GUCY1A2: variants seen among roughly 807,000 people sequenced by gnomAD.
GUCY1A2 encodes guanylate cyclase soluble subunit alpha-2.
A neutral mutation model predicts 63.5 loss-of-function variants in GUCY1A2; 27 were observed. That is an observed-to-expected ratio of 0.43 (90% CI 0.31 to 0.59). The LOEUF (loss-of-function observed/expected upper bound fraction) is 0.59. Among genes scored for constraint, GUCY1A2 ranks in the 20% least tolerant of loss-of-function variants. GUCY1A2 has a pLI of 0.11. For synonymous variants in GUCY1A2, 364 were observed against 343.5 expected, an observed-to-expected ratio of 1.06 and a Z score of -0.66; for missense variants, 768 against 913.3, an observed-to-expected ratio of 0.84 and a Z score of 2.05.
intron 4 of GUCY1A2, among the ~76,000 whole-genome samples, chr11:106,851,498 AT>A (rs1344161901): frequency 3.3e-5 from 5 of 151,770 alleles, no homozygotes; most frequent in Non-Finnish European, 7.4e-5. Context: ...ACATTTAAGC[AT>A]TTACTCCATC....
intron 6 of GUCY1A2, among the ~76,000 whole-genome samples, chr11:106,754,555 T>C (rs1022093609): frequency 3.9e-5 from 6 of 152,250 alleles, no homozygotes; most frequent in Non-Finnish European, 5.9e-5. Context: ...ATTGTGAGTT[T>C]TTAGCATGAA....
chr11:106,694,755 C>T (rs977925860), intron 7 of GUCY1A2, among the ~76,000 whole-genome samples: 9 of 152,140 alleles, frequency 5.9e-5, no homozygotes, highest in African/African-American at 9.7e-5. Context: ...TATTACAGTT[C>T]CCGTGGTGAG....
At chr11:106,733,062 G>A (rs1863530675) in intron 6 of GUCY1A2, among the ~76,000 whole-genome samples, 1 of 152,082 alleles carries the variant, frequency 6.6e-6, no homozygotes, top group African/African-American at 2.4e-5. Context: ...ACACTATAAT[G>A]GTTTCAAAAA....
chr11:106,997,718 T>C (rs968007547), intron 1 of GUCY1A2, among the ~76,000 whole-genome samples: 3 of 146,682 alleles, frequency 2.0e-5, no homozygotes, highest in Non-Finnish European at 3.0e-5. Context: ...GGGTTTGCAA[T>C]AGGAGAACCG....
intron 1 of GUCY1A2, among the ~76,000 whole-genome samples, chr11:107,009,076 C>T (rs1861709603): frequency 1.3e-5 from 2 of 152,196 alleles, no homozygotes. Flanking sequence ...TCTGCAAATA[C>T]AAATTCTTCA....
At chr11:106,824,026 G>A in intron 4 of GUCY1A2, 1 of 1,350,230 alleles carries the variant, frequency 7.4e-7, no homozygotes, top group Non-Finnish European at 1.0e-6. Flanking sequence ...TCCTTCAAAA[G>A]CTTTCTTATT....
At chr11:106,751,912 A>C (rs1458641569) in intron 6 of GUCY1A2, among the ~76,000 whole-genome samples, 1 of 152,210 alleles carries the variant, frequency 6.6e-6, no homozygotes, top group Non-Finnish European at 1.5e-5. Context: ...TTCTACATTG[A>C]TAAATCTGTT....
At chr11:106,838,456 G>T (rs1859146600) in intron 4 of GUCY1A2, among the ~76,000 whole-genome samples, 1 of 151,846 alleles carries the variant, frequency 6.6e-6, no homozygotes, top group African/African-American at 2.4e-5. Context: ...TCAAATATTT[G>T]CAAATTTATA....
intron 5 of GUCY1A2, among the ~76,000 whole-genome samples, chr11:106,798,867 C>T (rs569216910): frequency 9.2e-5 from 14 of 152,178 alleles, no homozygotes; most frequent in African/African-American, 3.4e-4. Context: ...GACAGGGATG[C>T]CCTCTCTCAC....
intron 6 of GUCY1A2, among the ~76,000 whole-genome samples, chr11:106,709,351 T>A (rs1374453748): frequency 3.0e-5 from 3 of 101,376 alleles, no homozygotes; most frequent in Non-Finnish European, 5.3e-5. Flanking sequence ...TAAATTTATA[T>A]ATTTTATATA....
At chr11:106,690,020 A>G (rs1363029733) in intron 7 of GUCY1A2, among the ~76,000 whole-genome samples, 1 of 151,920 alleles carries the variant, frequency 6.6e-6, no homozygotes, top group Non-Finnish European at 1.5e-5. Context: ...TAAAAAAATA[A>G]CAGATGCTGG....
At chr11:106,906,649 C>A (rs552612514) in intron 4 of GUCY1A2, among the ~76,000 whole-genome samples, 2 of 152,074 alleles carry the variant, frequency 1.3e-5, no homozygotes, top group South Asian at 4.1e-4. Flanking sequence ...ATGTTTATTG[C>A]GGCACTATTC....
chr11:106,887,110 T>C (rs1379506769), intron 4 of GUCY1A2, among the ~76,000 whole-genome samples: 1 of 152,066 alleles, frequency 6.6e-6, no homozygotes, highest in Non-Finnish European at 1.5e-5. Flanking sequence ...TCCACATGCA[T>C]CTGCTTGTTG....
intron 4 of GUCY1A2, among the ~76,000 whole-genome samples, chr11:106,830,804 A>G (rs996005641): frequency 6.6e-6 from 1 of 152,186 alleles, no homozygotes; most frequent in African/African-American, 2.4e-5. Context: ...GACTAGTACA[A>G]TGAAGTTTAA....
At chr11:106,983,015 C>A (rs1309419601) in intron 2 of GUCY1A2, among the ~76,000 whole-genome samples, 1 of 152,192 alleles carries the variant, frequency 6.6e-6, no homozygotes, top group Admixed American at 6.5e-5. Flanking sequence ...CCTCTGGGAG[C>A]AGGGCCCAGT....
intron 7 of GUCY1A2, among the ~76,000 whole-genome samples, chr11:106,705,888 C>A (rs748357087): frequency 6.6e-6 from 1 of 151,694 alleles, no homozygotes; most frequent in Non-Finnish European, 1.5e-5. Flanking sequence ...AAAACACGGG[C>A]CTTTGAAACA....
rs113299393 is a variant in GUCY1A2, at chr11:106,823,663, G to C, written c.1207-13185C>G. Among the ~76,000 whole-genome samples, 9 of 152,158 alleles carry C rather than the reference G, an allele frequency of 5.9e-5. 1 individual carries two copies. Among genetic ancestry groups the C allele is most frequent in the African/African-American group, 1.2e-4 (5 of 41,536 alleles). ...AGCTATTTCCATACCGTCTTCCATA[G>C]AGGCTGAACTAATTTACATTCCCAC... is the stretch of plus-strand genomic sequence containing the variant. On this transcript the variant is annotated intron_variant, in intron 4 of 7. Coordinates refer to ENST00000526355, the MANE Select transcript of GUCY1A2 (RefSeq NM_000855.3).
chr11:106,863,258 T>C (rs887231045), intron 4 of GUCY1A2, among the ~76,000 whole-genome samples: 3 of 152,152 alleles, frequency 2.0e-5, no homozygotes, highest in African/African-American at 7.2e-5. Context: ...TCTTCTATGG[T>C]TTTTTGGTTT....
intron 4 of GUCY1A2, among the ~76,000 whole-genome samples, chr11:106,873,783 T>C (rs1046987149): frequency 1.3e-5 from 2 of 152,142 alleles, no homozygotes; most frequent in African/African-American, 4.8e-5. Context: ...TTAGATCCCA[T>C]TTGTCAATTT....
Sources: gnomAD v4.1 joint callset for allele counts (sites outside exome capture counted in the v4.1 genomes callset) on GRCh38, gnomAD v4.1.1 for gene constraint, MANE v1.5 for transcripts, NCBI Gene and HGNC (gene_info 2026-07-23, HGNC 2026-07-21) for gene names.